The following GADL1 variants were observed in gnomAD, a reference collection of about 807,000 sequenced individuals.
The protein encoded by GADL1 is acidic amino acid decarboxylase GADL1.
GADL1 carries 71 observed loss-of-function variants against 69.5 expected under a neutral mutation model. The observed-to-expected ratio is 1.02, with a 90% CI of 0.84 to 1.25. The LOEUF (loss-of-function observed/expected upper bound fraction) is 1.25, where lower values mean the gene tolerates loss of function less well. Ranked by LOEUF, GADL1 falls within the 50% of genes most tolerant of loss-of-function variation. The pLI, the probability that GADL1 is intolerant of heterozygous loss-of-function variation, is 0.00. For missense variants in GADL1, 737 were observed against 631.8 expected, an observed-to-expected ratio of 1.17 and a Z score of -1.79; for synonymous variants, 254 against 214.4, an observed-to-expected ratio of 1.18 and a Z score of -1.62.
At chr3:30,804,234 T>A (rs1233730461) in intron 11 of GADL1, among the ~76,000 whole-genome samples, 1 of 152,208 alleles carries the variant, frequency 6.6e-6, no homozygotes, top group African/African-American at 2.4e-5. Context: ...TCTTGTTCTA[T>A]TGTAGCCTAT....
At chr3:30,887,953 C>T (rs1054642968) in intron 1 of GADL1, among the ~76,000 whole-genome samples, 4 of 152,076 alleles carry the variant, frequency 2.6e-5, no homozygotes, top group Admixed American at 6.5e-5. Context: ...TACCAAAACC[C>T]GAGGCTGCTC....
intron 1 of GADL1, among the ~76,000 whole-genome samples, chr3:30,882,108 C>A (rs905334631): frequency 2.0e-5 from 3 of 151,630 alleles, no homozygotes; most frequent in African/African-American, 4.9e-5. Flanking sequence ...GTTTTACACA[C>A]TTTTCTATCC....
At chr3:30,842,620 C>G (rs1230315616) in intron 8 of GADL1, among the ~76,000 whole-genome samples, 1 of 151,772 alleles carries the variant, frequency 6.6e-6, no homozygotes, top group Non-Finnish European at 1.5e-5. Context: ...ATATTCCCCA[C>G]CAACAAGCAT....
intron 14 of GADL1, among the ~76,000 whole-genome samples, chr3:30,755,134 T>C (rs1035537360): frequency 6.3e-5 from 8 of 127,084 alleles, no homozygotes; most frequent in Admixed American, 2.9e-4. Flanking sequence ...CTTGGGACTC[T>C]ATAGTGAATG....
chr3:30,740,491 T>A (rs1454150672), intron 14 of GADL1, among the ~76,000 whole-genome samples: 1 of 149,488 alleles, frequency 6.7e-6, no homozygotes, highest in Non-Finnish European at 1.5e-5. Context: ...GTGATACACG[T>A]CAAGTTATGT....
At chr3:30,750,066 G>C (rs1695778929) in intron 14 of GADL1, among the ~76,000 whole-genome samples, 2 of 152,132 alleles carry the variant, frequency 1.3e-5, no homozygotes, top group South Asian at 4.1e-4. Flanking sequence ...TACAGTACAA[G>C]AATTTACAAG....
chr3:30,845,701 A>G (rs1000041830), intron 6 of GADL1, among the ~76,000 whole-genome samples: 2 of 152,178 alleles, frequency 1.3e-5, no homozygotes, highest in African/African-American at 4.8e-5. Context: ...TTGAAGAGTA[A>G]TAATGTACAA....
chr3:30,760,089 G>C (rs763728489), intron 14 of GADL1, among the ~76,000 whole-genome samples: 1 of 152,166 alleles, frequency 6.6e-6, no homozygotes, highest in Non-Finnish European at 1.5e-5. Flanking sequence ...TTGTTTCACA[G>C]TATTGTCAAT....
At chr3:30,775,130 TTG>T (rs1448359350) in intron 14 of GADL1, among the ~76,000 whole-genome samples, 1 of 152,200 alleles carries the variant, frequency 6.6e-6, no homozygotes, top group African/African-American at 2.4e-5. Flanking sequence ...GCTACAGTGA[TTG>T]TGTTCTCAAA....
intron 1 of GADL1, among the ~76,000 whole-genome samples, chr3:30,884,562 A>G (rs1262950961): frequency 2.0e-5 from 3 of 151,872 alleles, no homozygotes; most frequent in Non-Finnish European, 4.4e-5. Context: ...TCCTACACTT[A>G]TTTTTCTATC....
In GADL1 at chr3:30,833,939, T is replaced by A; in HGVS notation, c.969-5A>T. The stretch of plus-strand genomic sequence containing the variant: ...TTCCAGGCCACAGAGTCAGCCCTAT[T>A]GTTTAAACAAAGGGACAGAGTAGGG... On this transcript the variant is annotated splice_region_variant and splice_polypyrimidine_tract_variant and intron_variant, in intron 10 of 14. Coordinates refer to ENST00000282538, the MANE Select transcript of GADL1 (RefSeq NM_207359.3). The A allele has an allele frequency of 6.2e-7, 1 of 1,608,370 alleles. No individual in the cohort carries two copies. Among genetic ancestry groups the A allele is most frequent in the Admixed American group, 1.7e-5 (1 of 59,840 alleles).
intron 14 of GADL1, among the ~76,000 whole-genome samples, chr3:30,768,035 AC>A (rs147317208): frequency 0.078 from 10,795 of 138,522 alleles, 279 homozygotes; most frequent in African/African-American, 0.14. Context: ...AACTCCCCAT[AC>A]CCCCCCCCCC....
intron 14 of GADL1, among the ~76,000 whole-genome samples, chr3:30,763,604 G>C (rs916237102): frequency 6.6e-6 from 1 of 152,110 alleles, no homozygotes; most frequent in African/African-American, 2.4e-5. Flanking sequence ...AATATGCTCA[G>C]ACTTAGATGA....
chr3:30,832,928 T>C (rs1012510127), intron 11 of GADL1, among the ~76,000 whole-genome samples: 16 of 147,684 alleles, frequency 1.1e-4, no homozygotes, highest in Non-Finnish European at 1.3e-4. Context: ...AGTCTGATCA[T>C]GTCAAAACGC....
intron 1 of GADL1, among the ~76,000 whole-genome samples, chr3:30,863,901 C>T (rs1246234862): frequency 6.6e-6 from 1 of 151,940 alleles, no homozygotes; most frequent in African/African-American, 2.4e-5. Flanking sequence ...ATGAAAGCAC[C>T]AGATAAAAAT....
At chr3:30,863,020 G>A (rs866352115) in intron 1 of GADL1, among the ~76,000 whole-genome samples, 1 of 142,222 alleles carries the variant, frequency 7.0e-6, no homozygotes, top group Non-Finnish European at 1.5e-5. Flanking sequence ...ATAAGCCCAT[G>A]TCTGTTTCAC....
chr3:30,888,518 G>C (rs1179782530), intron 1 of GADL1, among the ~76,000 whole-genome samples: 1 of 152,178 alleles, frequency 6.6e-6, no homozygotes, highest in Non-Finnish European at 1.5e-5. Context: ...GTCAGCAGCA[G>C]ATTTAGTAGG....
rs1356783934 is a variant in GADL1, at chr3:30,762,864, T to A, written c.1392+15315A>T. Among the ~76,000 whole-genome samples the A allele has an allele frequency of 8.5e-5, 13 of 152,194 alleles. 1 individual carries two copies. The highest frequency in any genetic ancestry group is 3.1e-4 in the African/African-American group (13 of 41,442). On this transcript the variant is annotated intron_variant, in intron 14 of 14. Transcript: ENST00000282538. Reference sequence around the variant, plus strand: ...GTTAGTCTTTCTTTTCCTTGCTTTATTTCACTTAACATTACAATCTCCAGT... The same window carrying A: ...GTTAGTCTTTCTTTTCCTTGCTTTAATTCACTTAACATTACAATCTCCAGT...
At chr3:30,757,352 T>C (rs571942033) in intron 14 of GADL1, among the ~76,000 whole-genome samples, 6 of 151,744 alleles carry the variant, frequency 4.0e-5, no homozygotes, top group Non-Finnish European at 7.4e-5. Context: ...TTAGCAAAAG[T>C]GGGAAAGTGA....
Sources: gnomAD v4.1 joint callset for allele counts (sites outside exome capture counted in the v4.1 genomes callset) on GRCh38, gnomAD v4.1.1 for gene constraint, MANE v1.5 for transcripts, NCBI Gene and HGNC (gene_info 2026-07-23, HGNC 2026-07-21) for gene names.